AKNA: variants seen among roughly 807,000 people sequenced by gnomAD.
AKNA encodes microtubule organization protein AKNA.
Under a neutral mutation model 138.8 loss-of-function variants are expected in AKNA, and 67 were observed. That is an observed-to-expected ratio of 0.48 (90% CI 0.40 to 0.59). The LOEUF (loss-of-function observed/expected upper bound fraction) is 0.59, where lower values mean the gene tolerates loss of function less well. Among genes scored for constraint, AKNA ranks in the 20% least tolerant of loss-of-function variants. AKNA has a pLI of 0.00. For synonymous variants in AKNA, 737 were observed against 754.4 expected (o/e 0.98, Z 0.38); for missense variants, 1,813 against 1,880.4 (o/e 0.96, Z 0.66).
At chr9:114,359,402 A>C in intron 11 of AKNA, 192 bp downstream of exon 11, 1 of 1,088,866 alleles carries the variant, frequency 9.2e-7, no homozygotes, top group South Asian at 1.6e-5. Context: ...CATGTGTCCT[A>C]CTGAAAATCA....
chr9:114,368,461 G>T lies in AKNA; in HGVS notation c.1551C>A (p.Asp517Glu). 1 of 1,331,198 alleles carries T rather than the reference G, an allele frequency of 7.5e-7. No individual in the cohort carries two copies. Among genetic ancestry groups the T allele is most frequent in the Non-Finnish European group, 9.7e-7 (1 of 1,030,958 alleles). The allele number at this position is 1,331,198 out of a possible 1,614,324, so 82.5% of individuals were successfully genotyped here. Residue 517 changes from aspartate (D) to glutamate (E), a missense_variant, in exon 5 of 22, where the codon GAC (aspartate) becomes GAA (glutamate). Coordinates refer to ENST00000374088, the MANE Select transcript of AKNA (RefSeq NM_001317950.2). ...CACCTGAGGCCGCAGAGGCCTGGGG[G>T]TCCTCGGCCGGGCCCGGCCACCACT... is the stretch of plus-strand genomic sequence containing the variant. ...SAEWWPGPAE[D>E]PQASAASGWP...
At chr9:114,344,168 A>C (rs182639622) in intron 18 of AKNA, 1 of 217,884 alleles carries the variant, frequency 4.6e-6, no homozygotes, top group African/African-American at 2.4e-5. Flanking sequence ...AAGCAAAGCA[A>C]CAATAAGAAA....
intron 13 of AKNA, 96 bp downstream of exon 13, chr9:114,356,767 C>G: frequency 9.1e-7 from 1 of 1,094,510 alleles, no homozygotes; most frequent in Admixed American, 2.8e-5. Context: ...AATGGACAGA[C>G]CATCCTCTCT....
At chr9:114,362,352 G>A in intron 8 of AKNA, 54 bp downstream of exon 8, 1 of 1,550,020 alleles carries the variant, frequency 6.5e-7, no homozygotes, top group Non-Finnish European at 8.7e-7. Context: ...GAGACTGAGG[G>A]ACCCCAGGGG....
chr9:114,373,279 C>A (rs1045496211), intron 4 of AKNA, among the ~76,000 whole-genome samples: 1 of 152,112 alleles, frequency 6.6e-6, no homozygotes. Flanking sequence ...CAGCCTCCTC[C>A]GAAGACGGGG....
chr9:114,367,884 A>G (rs546215921), intron 5 of AKNA, among the ~76,000 whole-genome samples, 187 bp from the exon 6 acceptor site: 1 of 152,358 alleles, frequency 6.6e-6, no homozygotes, highest in African/African-American at 2.4e-5. Context: ...AGGGAGAACA[A>G]GGTCCAGATC....
chr9:114,387,574 C>T lies in AKNA; in HGVS notation c.-114+286G>A, dbSNP rs535979321. ...ACACTAACTCTCCAGGTGCAGACGA[C>T]GACACCCCAGGCACAGAGATGGACC... On this transcript the variant is annotated intron_variant, in intron 1 of 21. Coordinates refer to ENST00000374088, the MANE Select transcript of AKNA (RefSeq NM_001317950.2). 2.1e-3 allele frequency among the ~76,000 whole-genome samples: 321 copies of T among 152,324 alleles called. 3 individuals are homozygous for T. The highest frequency in any genetic ancestry group is 5.9e-3 in the African/African-American group (244 of 41,566).
intron 2 of AKNA, 47 bp downstream of exon 2, chr9:114,381,013 G>A (rs1589028570): frequency 3.9e-6 from 5 of 1,273,898 alleles, no homozygotes; most frequent in South Asian, 3.3e-5. Context: ...AACGTGTGAT[G>A]TTTTGGGGAC....
At position 114,362,472 on chromosome 9, in the gene AKNA, C is replaced by T. The variant is rs1198072328; in HGVS notation, c.1850G>A (p.Arg617Gln). ...AAGCGGCTGGGCAGGGTGTTGCTCC[C>T]GACAAGCCTTCAGGTACTCCTCCTC... ...ALEEEYLKAC[R>Q]EQHPAQPLAG... The change falls in exon 8 of 22, where the codon CGG becomes CAG. Residue 617 changes from arginine to glutamine, a missense_variant. Arg to Gln is a conservative substitution (Grantham distance 43). Coordinates refer to ENST00000374088, the MANE Select transcript of AKNA (RefSeq NM_001317950.2). 9 of 1,613,048 alleles carry T rather than the reference C, an allele frequency of 5.6e-6. No homozygotes were observed. The highest frequency in any genetic ancestry group is 2.2e-5 in the East Asian group (1 of 44,836).
At chr9:114,331,998 A>G (rs1461825803), downstream of AKNA, 15 of 1,419,186 alleles carry the variant, frequency 1.1e-5, no homozygotes, top group South Asian at 3.5e-5. Context: ...AGAGGCCCAG[A>G]GCAGGAAAGC....
intron 15 of AKNA, 48 bp downstream of exon 15, chr9:114,350,811 C>T (rs375469407): frequency 2.7e-5 from 40 of 1,509,148 alleles, no homozygotes; most frequent in Admixed American, 6.6e-5. Context: ...ATCACGCTCC[C>T]GTCTGTATGA....
chr9:114,357,479 G>A (rs1428514698), intron 12 of AKNA, among the ~76,000 whole-genome samples: 1 of 152,212 alleles, frequency 6.6e-6, no homozygotes, highest in Non-Finnish European at 1.5e-5. Context: ...GTCTAGTGCA[G>A]AGAATCCTGA....
downstream of AKNA, among the ~76,000 whole-genome samples, chr9:114,332,865 T>A (rs1311492837): frequency 1.3e-5 from 2 of 152,146 alleles, no homozygotes; most frequent in Non-Finnish European, 2.9e-5. Flanking sequence ...TGAGCTCCCA[T>A]TGTAGAGGCA....
intron 21 of AKNA, among the ~76,000 whole-genome samples, chr9:114,339,040 C>A (rs747610159): frequency 1.3e-5 from 2 of 152,200 alleles, no homozygotes; most frequent in Non-Finnish European, 2.9e-5. Context: ...ACTACAGAGG[C>A]TCCTCAAATT....
intron 4 of AKNA, among the ~76,000 whole-genome samples, chr9:114,372,964 CG>C (rs558347748): frequency 0.024 from 620 of 26,178 alleles, 21 homozygotes; most frequent in Middle Eastern, 0.026. Flanking sequence ...GGGGACGCAG[CG>C]GGGGGGGGGG....
At chr9:114,378,124 C>T (rs1833376189) in intron 2 of AKNA, among the ~76,000 whole-genome samples, 1 of 152,180 alleles carries the variant, frequency 6.6e-6, no homozygotes, top group South Asian at 2.1e-4. Context: ...ATTAGCTCTC[C>T]TGATCCATCT....
At chr9:114,391,181 G>T (rs1175670965), upstream of AKNA, among the ~76,000 whole-genome samples, 1 of 152,238 alleles carries the variant, frequency 6.6e-6, no homozygotes, top group African/African-American at 2.4e-5. Flanking sequence ...TCACAAAGGT[G>T]ATGAGCTGCA....
chr9:114,367,768 C>G (rs900982791), intron 5 of AKNA, 71 bp from the exon 6 acceptor site: 3 of 1,474,048 alleles, frequency 2.0e-6, no homozygotes, highest in Non-Finnish European at 1.8e-6. Context: ...TGAGGCTGAA[C>G]GTCAAAGCCA....
At chr9:114,366,822 G>T (rs1832399812) in intron 6 of AKNA, among the ~76,000 whole-genome samples, 2 of 152,148 alleles carry the variant, frequency 1.3e-5, no homozygotes, top group African/African-American at 2.4e-5. Context: ...GGTAGTGCAT[G>T]TAACTATTGC....
Sources: allele counts gnomAD v4.1 joint callset (sites outside exome capture counted in the v4.1 genomes callset), GRCh38; gene constraint gnomAD v4.1.1; transcripts MANE v1.5; gene names NCBI Gene and HGNC (gene_info 2026-07-23, HGNC 2026-07-21).